The following FA2H variants were observed in gnomAD, a reference collection of about 807,000 sequenced individuals.
The protein encoded by FA2H is fatty acid alpha-hydroxylase.
A neutral mutation model predicts 44.9 loss-of-function variants in FA2H; 22 were observed. That is an observed-to-expected ratio of 0.49 (90% CI 0.35 to 0.70). The LOEUF (loss-of-function observed/expected upper bound fraction) is 0.70. Among genes scored for constraint, FA2H ranks in the 30% least tolerant of loss-of-function variants. The pLI, the probability that FA2H is intolerant of heterozygous loss-of-function variation, is 0.01. For missense variants in FA2H, 501 were observed against 504.9 expected (o/e 0.99, Z 0.07); for synonymous variants, 243 against 213.2 (o/e 1.14, Z -1.22).
At chr16:74,774,257 G>A (rs1445020500) in intron 1 of FA2H, among the ~76,000 whole-genome samples, 1 of 152,078 alleles carries the variant, frequency 6.6e-6, no homozygotes, top group African/African-American at 2.4e-5. Context: ...CACGGAGGCG[G>A]GCCAGGCGGT....
intron 4 of FA2H, 138 bp downstream of exon 4, chr16:74,726,087 T>C (rs956953812): frequency 1.5e-6 from 1 of 686,538 alleles, no homozygotes; most frequent in Non-Finnish European, 2.7e-6. Context: ...GAAGACTATT[T>C]CTACAGAGAG....
intron 1 of FA2H, among the ~76,000 whole-genome samples, chr16:74,765,428 A>C (rs929308735): frequency 6.6e-6 from 1 of 152,204 alleles, no homozygotes; most frequent in South Asian, 2.1e-4. Context: ...AAGTGCTGGG[A>C]TTACAGGCAT....
At chr16:74,721,492 T>A (rs1961838460) in intron 4 of FA2H, among the ~76,000 whole-genome samples, 1 of 151,998 alleles carries the variant, frequency 6.6e-6, no homozygotes, top group Admixed American at 6.6e-5. Flanking sequence ...TAACCCTTAC[T>A]CCATCTCCCT....
rs191469302 is a variant in FA2H at position 74,766,819 on chromosome 16, A to G, written c.270+7667T>C. 2.6e-3 allele frequency among the ~76,000 whole-genome samples: 390 copies of G among 152,324 alleles called. 7 individuals carry two copies. Among genetic ancestry groups the G allele is most frequent in the Admixed American group, 0.021 (327 of 15,298 alleles). On this transcript the variant is annotated intron_variant, in intron 1 of 6. Coordinates refer to ENST00000219368, the MANE Select transcript of FA2H (RefSeq NM_024306.5). ...TACCCCAGACATAATACTGAGTGAA[A>G]GCAGCCATCAACAGAGTGCATGATG...
intron 2 of FA2H, among the ~76,000 whole-genome samples, chr16:74,739,226 G>A (rs530696356): frequency 1.3e-5 from 2 of 152,184 alleles, no homozygotes; most frequent in Non-Finnish European, 2.9e-5. Flanking sequence ...TGTCCCATTT[G>A]TTTCTGTGTC....
At chr16:74,758,194 C>T (rs1340099081) in intron 1 of FA2H, among the ~76,000 whole-genome samples, 2 of 143,034 alleles carry the variant, frequency 1.4e-5, no homozygotes, top group Non-Finnish European at 3.0e-5. Flanking sequence ...GATCTTGGCT[C>T]ATTGCAACCT....
chr16:74,717,074 C>G (rs115964510), intron 5 of FA2H: 5,098 of 162,392 alleles, frequency 0.031, 286 homozygotes, highest in African/African-American at 0.12. Flanking sequence ...GCCTCTGTGG[C>G]GGGATGACCC....
At chr16:74,745,647 C>T (rs1489756547) in intron 1 of FA2H, among the ~76,000 whole-genome samples, 1 of 152,198 alleles carries the variant, frequency 6.6e-6, no homozygotes, top group African/African-American at 2.4e-5. Flanking sequence ...CTTCCAGCCA[C>T]AGTCCAAGGC....
intron 2 of FA2H, among the ~76,000 whole-genome samples, chr16:74,729,846 G>C (rs769975225): frequency 4.6e-4 from 70 of 152,210 alleles, no homozygotes; most frequent in Admixed American, 1.2e-3. Context: ...TGAGGATGAG[G>C]GTGTCTCGGT....
chr16:74,735,406 G>C (rs1295336377), intron 2 of FA2H, among the ~76,000 whole-genome samples: 1 of 152,158 alleles, frequency 6.6e-6, no homozygotes, highest in African/African-American at 2.4e-5. Context: ...TGAGCCCTAT[G>C]ACCCTCCCGT....
intron 4 of FA2H, among the ~76,000 whole-genome samples, chr16:74,721,486 C>A (rs141692640): frequency 6.6e-6 from 1 of 152,124 alleles, no homozygotes; most frequent in East Asian, 1.9e-4. Flanking sequence ...CTCTTTTAAC[C>A]CTTACTCCAT....
At chr16:74,735,186 G>A (rs535686168) in intron 2 of FA2H, among the ~76,000 whole-genome samples, 8 of 152,358 alleles carry the variant, frequency 5.3e-5, no homozygotes, top group Admixed American at 2.0e-4. Context: ...GCTCGGCCAG[G>A]AGGCCTCCTG....
At chr16:74,734,445 A>G (rs553160691) in intron 2 of FA2H, among the ~76,000 whole-genome samples, 1 of 152,318 alleles carries the variant, frequency 6.6e-6, no homozygotes, top group East Asian at 1.9e-4. Context: ...GGGGCCCAGG[A>G]AGCAGATGCA....
intron 3 of FA2H, among the ~76,000 whole-genome samples, 157 bp downstream of exon 3, chr16:74,727,087 G>A (rs1243285395): frequency 6.6e-6 from 1 of 152,208 alleles, no homozygotes; most frequent in Non-Finnish European, 1.5e-5. Flanking sequence ...CATGCATAGG[G>A]ATGAATTATT....
intron 2 of FA2H, among the ~76,000 whole-genome samples, chr16:74,738,965 C>A (rs1231665467): frequency 1.3e-5 from 2 of 152,242 alleles, no homozygotes; most frequent in East Asian, 1.9e-4. Flanking sequence ...GGCGTCTGTG[C>A]TGTGGGCGGA....
chr16:74,748,690 C>T (rs897479292), intron 1 of FA2H, among the ~76,000 whole-genome samples: 10 of 151,808 alleles, frequency 6.6e-5, no homozygotes, highest in African/African-American at 2.2e-4. Flanking sequence ...CAGAGAAGAA[C>T]AACAGAAAGT....
chr16:74,722,554 G>A (rs739975), intron 4 of FA2H, among the ~76,000 whole-genome samples: 28,579 of 151,808 alleles, frequency 0.19, 2,964 homozygotes, highest in African/African-American at 0.27. Flanking sequence ...AAAAAGAAAA[G>A]AAAACGTAGG....
intron 1 of FA2H, among the ~76,000 whole-genome samples, chr16:74,773,797 T>C (rs1223899518): frequency 6.6e-6 from 1 of 152,230 alleles, no homozygotes. Flanking sequence ...AGCGTGCAGC[T>C]CAGCACACAG....
chr16:74,774,255 C>T (rs1962965359), intron 1 of FA2H, among the ~76,000 whole-genome samples: 1 of 151,540 alleles, frequency 6.6e-6, no homozygotes, highest in Admixed American at 6.6e-5. Flanking sequence ...GGCACGGAGG[C>T]GGGCCAGGCG....
Sources: allele counts gnomAD v4.1 joint callset (sites outside exome capture counted in the v4.1 genomes callset), GRCh38; gene constraint gnomAD v4.1.1; transcripts MANE v1.5; gene names NCBI Gene and HGNC (gene_info 2026-07-23, HGNC 2026-07-21).